Variants in KIFC3 observed in about 807,000 individuals in gnomAD.
KIFC3 encodes the protein kinesin-like protein KIFC3.
KIFC3 carries 60 observed loss-of-function variants against 101.8 expected under a neutral mutation model. The ratio of observed to expected loss-of-function variants is 0.59; its 90% CI spans 0.48 to 0.73. The LOEUF (loss-of-function observed/expected upper bound fraction) is 0.73, where lower values mean the gene tolerates loss of function less well. Among genes scored for constraint, KIFC3 ranks in the 30% least tolerant of loss-of-function variants. The probability of loss-of-function intolerance (pLI) is 0.00; values close to 1 mark genes in which losing one functional copy is unlikely to be tolerated. For missense variants in KIFC3, 966 were observed against 1,137.1 expected (o/e 0.85, Z 2.16); for synonymous variants, 476 against 482.7 (o/e 0.99, Z 0.18).
At chr16:57,784,702 C>T (rs2053130010) in intron 3 of KIFC3, among the ~76,000 whole-genome samples, 1 of 152,044 alleles carries the variant, frequency 6.6e-6, no homozygotes, top group Non-Finnish European at 1.5e-5. Context: ...GGCTTGGAGA[C>T]CTTGGGGAAG....
rs113423926 is a variant in KIFC3 at position 57,828,734 on chromosome 16, G to A, written c.109-30452C>T. ...AACCTTGGCCCCTAGTGGCCTTTTA[G>A]TTAAGTGCCTGAGTAACAGCCCACT... is the stretch of plus-strand genomic sequence containing the variant. On this transcript the variant is annotated intron_variant, in intron 1 of 2. Transcript: ENST00000563028. Among the ~76,000 whole-genome samples the A allele has an allele frequency of 9.9e-5, 15 of 152,196 alleles. No homozygotes were observed. In the South Asian group the frequency reaches 3.1e-3, roughly 32 times the overall value.
intron 12 of KIFC3, 41 bp downstream of exon 12, chr16:57,764,102 A>G (rs1555600374): frequency 7.0e-7 from 1 of 1,431,998 alleles, no homozygotes; most frequent in East Asian, 2.3e-5. Flanking sequence ...CATTCCCTTC[A>G]TGCTTCACTG....
At position 57,771,210 on chromosome 16, in the gene KIFC3, G is replaced by A. The variant is rs574992051; in HGVS notation, c.753C>T (p.Ser251=). ...HETIASLRAQ[S]PPVKYVIKTV... is the part of the protein sequence containing the mutation. Reference sequence around the variant, plus strand: ...GGCCAGGGCTCACCTTGACAGGTGGGGACTGGGCCCGCAGGCTGGCAATGG... The same window carrying A: ...GGCCAGGGCTCACCTTGACAGGTGGAGACTGGGCCCGCAGGCTGGCAATGG... The change falls in exon 6 of 20, where the codon TCC becomes TCT. Residue 251 remains serine (S), a synonymous_variant. Coordinates refer to ENST00000445690, the MANE Select transcript of KIFC3 (RefSeq NM_001130100.2). 6 of 1,612,624 alleles carry A rather than the reference G, an allele frequency of 3.7e-6. No homozygotes were observed. In the African/African-American group the frequency reaches 5.3e-5, roughly 14 times the overall value.
chr16:57,760,861 C>T lies in KIFC3; in HGVS notation c.2097G>A (p.Lys699=), dbSNP rs1222774200. 12 of 1,612,790 alleles carry T rather than the reference C, an allele frequency of 7.4e-6. No individual in the cohort carries two copies. Among genetic ancestry groups the T allele is most frequent in the African/African-American group, 2.7e-5 (2 of 74,926 alleles). Residue 699 remains lysine, a synonymous_variant, in exon 16 of 20, where the codon AAG becomes AAA. Transcript: ENST00000445690. ...TGACGTCCCCCAGAGCCGACAGCGACTTGTTGATGTGCTGCGCCTCCCGCA... is the reference window on the plus strand; with the variant it reads ...TGACGTCCCCCAGAGCCGACAGCGATTTGTTGATGTGCTGCGCCTCCCGCA... ...SRLREAQHIN[K]SLSALGDVIA... is the part of the protein sequence containing the mutation.
intron 1 of KIFC3, among the ~76,000 whole-genome samples, chr16:57,835,983 C>G (rs782712516): frequency 9.2e-5 from 14 of 152,138 alleles, no homozygotes; most frequent in Non-Finnish European, 1.8e-4. Context: ...TCCATTCCAG[C>G]CTGGGCGCCT....
Position 57,758,503 on chromosome 16 carries a change from T to G in KIFC3, c.*431A>C. 8.8e-6 allele frequency: 4 copies of G among 452,032 alleles called. No individual in the cohort carries two copies. The highest frequency in any genetic ancestry group is 1.3e-5 in the Non-Finnish European group (3 of 239,566). The allele number at this position is 452,032 out of a possible 1,614,324, so 28.0% of individuals were successfully genotyped here. A position where few individuals can be genotyped will look rare whatever the true frequency, so the allele number is the denominator to read the frequency against. Reference sequence around the variant, plus strand: ...TGCCACCAACCCACCCCAGTCCCCATGGTTCTTGGGTCTGCCCAGAGGCTC... The same window carrying G: ...TGCCACCAACCCACCCCAGTCCCCAGGGTTCTTGGGTCTGCCCAGAGGCTC... On this transcript the variant is annotated 3_prime_UTR_variant, in exon 20 of 20. Transcript: ENST00000445690.
chr16:57,775,810 G>A, intron 3 of KIFC3: 1 of 985,552 alleles, frequency 1.0e-6, no homozygotes, highest in South Asian at 4.7e-5. Context: ...AACGGTCCCA[G>A]GACAGCATGG....
chr16:57,818,827 T>G (rs924850679), intron 1 of KIFC3, among the ~76,000 whole-genome samples: 1 of 152,344 alleles, frequency 6.6e-6, no homozygotes, highest in Non-Finnish European at 1.5e-5. Context: ...CAGCTACACC[T>G]GCCAAGCTCA....
chr16:57,797,495 G>A (rs1008344959), intron 2 of KIFC3, among the ~76,000 whole-genome samples: 3 of 152,156 alleles, frequency 2.0e-5, no homozygotes, highest in Non-Finnish European at 4.4e-5. Context: ...ACAGCTCCCC[G>A]GGGGGTACAG....
intron 1 of KIFC3, among the ~76,000 whole-genome samples, chr16:57,844,068 AC>A (rs1324511174): frequency 6.6e-6 from 1 of 151,598 alleles, no homozygotes; most frequent in African/African-American, 2.4e-5. Context: ...AGATTGCACC[AC>A]TGCACTCCAG....
At chr16:57,859,364 C>T (rs1876245677) in intron 1 of KIFC3, among the ~76,000 whole-genome samples, 1 of 152,174 alleles carries the variant, frequency 6.6e-6, no homozygotes, top group African/African-American at 2.4e-5. Flanking sequence ...AGTATTTTGT[C>T]TGCTTCCACT....
intron 1 of KIFC3, among the ~76,000 whole-genome samples, chr16:57,820,988 C>T (rs2055338547): frequency 6.6e-6 from 1 of 152,036 alleles, no homozygotes; most frequent in Admixed American, 6.6e-5. Flanking sequence ...AAAAATTAGC[C>T]AGGTGAGGTA....
At chr16:57,803,579 A>G (rs1169349637), upstream of KIFC3, among the ~76,000 whole-genome samples, 1 of 152,230 alleles carries the variant, frequency 6.6e-6, no homozygotes, top group Non-Finnish European at 1.5e-5. Flanking sequence ...GCTGCCGCCC[A>G]GGCGCTGGGC....
chr16:57,805,095 T>C (rs1220040557), upstream of KIFC3, among the ~76,000 whole-genome samples: 1 of 152,020 alleles, frequency 6.6e-6, no homozygotes, highest in African/African-American at 2.4e-5. Context: ...CCTCCCAAAA[T>C]GTTGGGATTG....
At chr16:57,795,781 A>G (rs1175312826) in intron 2 of KIFC3, among the ~76,000 whole-genome samples, 1 of 151,618 alleles carries the variant, frequency 6.6e-6, no homozygotes, top group Non-Finnish European at 1.5e-5. Flanking sequence ...CATGAGGCAC[A>G]CTGCAGAGCC....
At chr16:57,778,415 G>A (rs1555612891) in intron 3 of KIFC3, among the ~76,000 whole-genome samples, 1 of 152,034 alleles carries the variant, frequency 6.6e-6, no homozygotes. Flanking sequence ...AAAAGCACAG[G>A]CAATAAAAGA....
At chr16:57,788,867 C>T (rs2053599846) in intron 3 of KIFC3, among the ~76,000 whole-genome samples, 1 of 152,198 alleles carries the variant, frequency 6.6e-6, no homozygotes, top group Admixed American at 6.5e-5. Flanking sequence ...CGTTGAGGTC[C>T]AGGATCTGGA....
upstream of KIFC3, among the ~76,000 whole-genome samples, chr16:57,807,419 T>C (rs1477502166): frequency 1.3e-5 from 2 of 152,132 alleles, no homozygotes; most frequent in Non-Finnish European, 2.9e-5. Context: ...GGCTCCTCAG[T>C]GGGCATGGAG....
chr16:57,763,592 C>T (rs1555599914), intron 12 of KIFC3, among the ~76,000 whole-genome samples: 1 of 152,188 alleles, frequency 6.6e-6, no homozygotes, highest in South Asian at 2.1e-4. Context: ...CGCCCCTCTC[C>T]CTGGCCTGCC....
Sources: gnomAD v4.1 joint callset for allele counts (sites outside exome capture counted in the v4.1 genomes callset) on GRCh38, gnomAD v4.1.1 for gene constraint, MANE v1.5 for transcripts, NCBI Gene and HGNC (gene_info 2026-07-23, HGNC 2026-07-21) for gene names.